The following TMEM117 variants were observed in gnomAD, a reference collection of about 807,000 sequenced individuals.
TMEM117 encodes the protein transmembrane protein 117.
In TMEM117, 27 loss-of-function variants were observed where a neutral mutation model predicts 52.4. That is an observed-to-expected ratio of 0.51 (90% confidence interval 0.38 to 0.71). The LOEUF (loss-of-function observed/expected upper bound fraction) is 0.71, where lower values mean the gene tolerates loss of function less well. Among genes scored for constraint, TMEM117 ranks in the 30% least tolerant of loss-of-function variants. The pLI is 0.00. For missense variants in TMEM117, 556 were observed against 630.5 expected, an observed-to-expected ratio of 0.88 and a Z score of 1.26; for synonymous variants, 215 against 206.3, an observed-to-expected ratio of 1.04 and a Z score of -0.36.
At chr12:44,279,358 T>A (rs1244384535) in intron 5 of TMEM117, among the ~76,000 whole-genome samples, 3 of 152,162 alleles carry the variant, frequency 2.0e-5, no homozygotes, top group African/African-American at 7.2e-5. Flanking sequence ...GCAGCCAAAT[T>A]GTTTTAAATA....
chr12:44,292,865 A>C (rs1016562478), intron 5 of TMEM117, among the ~76,000 whole-genome samples: 1 of 152,022 alleles, frequency 6.6e-6, no homozygotes, highest in Non-Finnish European at 1.5e-5. Context: ...TATCCTGAAG[A>C]ATGTTCCATG....
rs150176542 is a variant in TMEM117 at position 44,180,325 on chromosome 12, C to T, written c.511-30965C>T. Among the ~76,000 whole-genome samples the T allele has an allele frequency of 1.5e-4, 22 of 151,482 alleles. 1 individual carries two copies. The highest frequency in any genetic ancestry group is 5.4e-4 in the African/African-American group (22 of 41,052). On this transcript the variant is annotated intron_variant, in intron 4 of 7. Coordinates refer to ENST00000266534, the MANE Select transcript of TMEM117 (RefSeq NM_032256.3). ...ATCTTGTCCAGTAAGATTTTGTAAA[C>T]AACGATGTAAAAGAACTACCTGACA...
rs370502618 is a variant in TMEM117, at chr12:43,984,138, C to T, written c.410+39796C>T. Among the ~76,000 whole-genome samples the T allele has an allele frequency of 1.4e-3, 207 of 152,048 alleles. 1 individual carries two copies. Among genetic ancestry groups the T allele is most frequent in the African/African-American group, 4.1e-3 (170 of 41,484 alleles). On this transcript the variant is annotated intron_variant, in intron 3 of 7. Transcript: ENST00000266534. ...ATCCCAGCACTTTGGGAGGCCTAGG[C>T]GGGTGGGTCACTTGAGGTCAGGAGT...
At chr12:44,047,733 T>C (rs1420388516) in intron 3 of TMEM117, among the ~76,000 whole-genome samples, 1 of 152,164 alleles carries the variant, frequency 6.6e-6, no homozygotes, top group Non-Finnish European at 1.5e-5. Flanking sequence ...AAATCCCCAA[T>C]TGGTCAAGAT....
At chr12:43,862,172 CT>C (rs1443774601) in intron 2 of TMEM117, among the ~76,000 whole-genome samples, 1 of 152,054 alleles carries the variant, frequency 6.6e-6, no homozygotes, top group Non-Finnish European at 1.5e-5. Context: ...AGGAAATAAA[CT>C]TTTGTCTTTT....
chr12:43,831,877 A>T (rs1360388778), upstream of TMEM117, among the ~76,000 whole-genome samples: 1 of 151,916 alleles, frequency 6.6e-6, no homozygotes, highest in African/African-American at 2.4e-5. Context: ...CTTGGATCAG[A>T]TTTTACAAAG....
chr12:44,353,470 T>C (rs1198490201), intron 6 of TMEM117, among the ~76,000 whole-genome samples: 1 of 151,842 alleles, frequency 6.6e-6, no homozygotes, highest in East Asian at 1.9e-4. Context: ...AATTAATTTT[T>C]GTATAAGGTG....
In TMEM117 at chr12:43,944,290, T is replaced by A; in HGVS notation, c.358T>A (p.Phe120Ile). ...GTTCTTCAGCACAATTCTCTTTCTCTTCATATTTTCTCACATATACAACAC... is the reference window on the plus strand; with the variant it reads ...GTTCTTCAGCACAATTCTCTTTCTCATCATATTTTCTCACATATACAACAC... ...TMFFSTILFL[F>I]IFSHIYNTIL... The change falls in exon 3 of 8, where the codon TTC becomes ATC. Residue 120 changes from phenylalanine to isoleucine, a missense_variant. Phe to Ile is a conservative substitution (Grantham distance 21, BLOSUM62 0). Transcript: ENST00000266534. 1 of 1,613,094 alleles carries A rather than the reference T, an allele frequency of 6.2e-7. No homozygotes were observed. Among genetic ancestry groups the A allele is most frequent in the Non-Finnish European group, 8.5e-7 (1 of 1,179,186 alleles).
chr12:44,261,910 T>G (rs1201274262), intron 5 of TMEM117, among the ~76,000 whole-genome samples: 1 of 152,200 alleles, frequency 6.6e-6, no homozygotes, highest in Non-Finnish European at 1.5e-5. Context: ...ATTGTAATTC[T>G]CTATTGATTT....
chr12:44,172,720 T>G (rs1414395421), intron 4 of TMEM117, among the ~76,000 whole-genome samples: 1 of 152,188 alleles, frequency 6.6e-6, no homozygotes, highest in Non-Finnish European at 1.5e-5. Context: ...TAGTTTTCTG[T>G]GCAAAATCTT....
At chr12:43,805,721 GGA>G in the TMEM117 span, 31 of 1,085,928 alleles carry the variant, frequency 2.9e-5, no homozygotes, top group South Asian at 3.7e-4. Flanking sequence ...AGAAAATGCG[GGA>G]GAGTTTTGGG....
intron 3 of TMEM117, among the ~76,000 whole-genome samples, chr12:44,083,842 G>A (rs1947524238): frequency 6.6e-6 from 1 of 151,832 alleles, no homozygotes; most frequent in Admixed American, 6.6e-5. Flanking sequence ...GTGAAATATT[G>A]TTTGCTTGTT....
chr12:43,804,628 TA>T, the TMEM117 span: 13 of 1,221,680 alleles, frequency 1.1e-5, no homozygotes, highest in Middle Eastern at 4.8e-4. Flanking sequence ...AATACTTTCC[TA>T]TCTATATTGG....
chr12:44,244,899 T>G (rs1364535099), intron 5 of TMEM117, among the ~76,000 whole-genome samples: 2 of 152,004 alleles, frequency 1.3e-5, no homozygotes, highest in Non-Finnish European at 2.9e-5. Context: ...CCAATTTTAT[T>G]CTTCTGTATT....
chr12:44,097,880 T>C lies in TMEM117; in HGVS notation c.411-45645T>C, dbSNP rs140318530. On this transcript the variant is annotated intron_variant, in intron 3 of 7. Coordinates refer to ENST00000266534, the MANE Select transcript of TMEM117 (RefSeq NM_032256.3). ...ATAATAATAATAAAATAAAATAAAA[T>C]AAAAATACAGTAATCTGGAATAGGT... 1.1e-3 allele frequency among the ~76,000 whole-genome samples: 170 copies of C among 151,752 alleles called. 1 individual carries two copies. The highest frequency in any genetic ancestry group is 3.9e-3 in the African/African-American group (160 of 41,384).
chr12:44,224,976 C>T (rs1423503366), intron 5 of TMEM117, among the ~76,000 whole-genome samples: 2 of 152,114 alleles, frequency 1.3e-5, no homozygotes, highest in Non-Finnish European at 2.9e-5. Flanking sequence ...CCCTTTTCCC[C>T]TTCCATAAGG....
rs1252165668 is a variant in TMEM117, at chr12:44,111,937, A to T, written c.411-31588A>T. ...TTAGGATAGTTAGCTCCTCTTGTTG[A>T]ATTGATCCCTTTACCATTATGTAAT... On this transcript the variant is annotated intron_variant, in intron 3 of 7. Coordinates refer to ENST00000266534, the MANE Select transcript of TMEM117 (RefSeq NM_032256.3). 7.8e-3 allele frequency among the ~76,000 whole-genome samples: 302 copies of T among 38,472 alleles called. 14 individuals are homozygous for T. The highest frequency in any genetic ancestry group is 0.048 in the African/African-American group (289 of 6,082). The allele number at this position is 38,472 out of a possible 152,430, so 25.2% of individuals were successfully genotyped here.
chr12:43,872,602 C>A (rs898407539), intron 2 of TMEM117, among the ~76,000 whole-genome samples: 3 of 152,224 alleles, frequency 2.0e-5, no homozygotes, highest in Non-Finnish European at 4.4e-5. Flanking sequence ...GATCATAAAT[C>A]ATTACATGAC....
In TMEM117 at chr12:44,206,384, C is replaced by T. The variant is rs540402741; in HGVS notation, c.511-4906C>T. Among the ~76,000 whole-genome samples, 10 of 152,326 alleles carry T rather than the reference C, an allele frequency of 6.6e-5. No individual in the cohort carries two copies. The South Asian group carries it at 2.1e-3, about 32-fold the overall frequency. ...GGCATCATAACCATCATGAGCATGT[C>T]ACAGTGCTGCAGAGATCTTGTTTAT... is the stretch of plus-strand genomic sequence containing the variant. On this transcript the variant is annotated intron_variant, in intron 4 of 7. Transcript: ENST00000266534.
Sources: gnomAD v4.1 joint callset for allele counts (sites outside exome capture counted in the v4.1 genomes callset) on GRCh38, gnomAD v4.1.1 for gene constraint, MANE v1.5 for transcripts, NCBI Gene and HGNC (gene_info 2026-07-23, HGNC 2026-07-21) for gene names.